The following EGFLAM variants were observed in gnomAD, a reference collection of about 807,000 sequenced individuals.
EGFLAM encodes pikachurin.
A neutral mutation model predicts 113.1 loss-of-function variants in EGFLAM; 79 were observed. The ratio of observed to expected loss-of-function variants is 0.70; its 90% CI spans 0.58 to 0.84. The LOEUF (loss-of-function observed/expected upper bound fraction) is 0.84, where lower values mean the gene tolerates loss of function less well. Ranked by LOEUF, EGFLAM falls within the 40% of genes least tolerant of loss-of-function variation. The pLI is 0.00. For synonymous variants in EGFLAM, 504 were observed against 487.6 expected, an observed-to-expected ratio of 1.03 and a Z score of -0.44; for missense variants, 1,265 against 1,291.6, an observed-to-expected ratio of 0.98 and a Z score of 0.32.
chr5:38,402,663 G>T (rs1318525688), intron 6 of EGFLAM, among the ~76,000 whole-genome samples: 1 of 152,154 alleles, frequency 6.6e-6, no homozygotes, highest in African/African-American at 2.4e-5. Context: ...GTATAAAATG[G>T]ATTAGTCATA....
chr5:38,401,483 A>G (rs1030835336), intron 6 of EGFLAM, among the ~76,000 whole-genome samples: 2 of 152,090 alleles, frequency 1.3e-5, no homozygotes, highest in Admixed American at 1.3e-4. Context: ...AAATGACAAG[A>G]TTGGGCTGGA....
chr5:38,362,133 C>T (rs1021111463), intron 5 of EGFLAM, among the ~76,000 whole-genome samples: 13 of 152,158 alleles, frequency 8.5e-5, no homozygotes, highest in South Asian at 4.1e-4. Flanking sequence ...CCCCGACCCC[C>T]GCAATGCCCC....
intron 3 of EGFLAM, among the ~76,000 whole-genome samples, chr5:38,349,726 C>T (rs1055743201): frequency 2.6e-5 from 4 of 151,200 alleles, no homozygotes; most frequent in Admixed American, 6.6e-5. Context: ...AGCCCTCTTC[C>T]GCTGGGGCTT....
At chr5:38,311,161 A>G (rs928512902) in intron 1 of EGFLAM, among the ~76,000 whole-genome samples, 1 of 152,200 alleles carries the variant, frequency 6.6e-6, no homozygotes, top group Non-Finnish European at 1.5e-5. Flanking sequence ...CCATTGTGGA[A>G]TGGCTAATGG....
chr5:38,383,984 A>G (rs1243497468), intron 6 of EGFLAM, among the ~76,000 whole-genome samples: 2 of 152,112 alleles, frequency 1.3e-5, no homozygotes, highest in East Asian at 1.9e-4. Flanking sequence ...GTCAAATCTT[A>G]TAGGTCCTGA....
Position 38,368,073 on chromosome 5 carries a change from C to T in EGFLAM, c.546-2223C>T, listed in dbSNP as rs541883658. Among the ~76,000 whole-genome samples, 3 of 152,278 alleles carry T rather than the reference C, an allele frequency of 2.0e-5. No homozygotes were observed. The South Asian group carries it at 6.2e-4, about 32-fold the overall frequency. ...TTTGCAGGTAGTCCTCGGTAAATAA[C>T]AGCAGACTGTGAGAATAGATATGGG... On this transcript the variant is annotated intron_variant, in intron 5 of 21. Coordinates refer to ENST00000322350, the MANE Select transcript of EGFLAM (RefSeq NM_152403.4).
At chr5:38,431,979 A>T (rs774134908) in intron 15 of EGFLAM, among the ~76,000 whole-genome samples, 1 of 152,188 alleles carries the variant, frequency 6.6e-6, no homozygotes, top group Non-Finnish European at 1.5e-5. Context: ...TAGGATTTCT[A>T]CTTAAGTTTA....
chr5:38,379,903 A>C (rs1740466435), intron 6 of EGFLAM, among the ~76,000 whole-genome samples: 1 of 152,138 alleles, frequency 6.6e-6, no homozygotes, highest in Non-Finnish European at 1.5e-5. Flanking sequence ...TAGTCTTCCC[A>C]AAAATAACCA....
chr5:38,413,839 G>A (rs909326114), intron 11 of EGFLAM, among the ~76,000 whole-genome samples: 1 of 152,192 alleles, frequency 6.6e-6, no homozygotes, highest in Non-Finnish European at 1.5e-5. Context: ...GGATGGTTTC[G>A]GGATAAACTG....
chr5:38,368,021 G>T (rs1299809606), intron 5 of EGFLAM, among the ~76,000 whole-genome samples: 1 of 152,154 alleles, frequency 6.6e-6, no homozygotes, highest in Non-Finnish European at 1.5e-5. Flanking sequence ...TTTTGCTGTA[G>T]TTTTTACATA....
intron 5 of EGFLAM, among the ~76,000 whole-genome samples, chr5:38,356,339 G>A (rs547310417): frequency 2.1e-4 from 32 of 152,190 alleles, no homozygotes; most frequent in Admixed American, 3.9e-4. Flanking sequence ...GTAATATCGA[G>A]CAAATGCAAC....
chr5:38,267,000 G>A (rs2367211), intron 1 of EGFLAM, among the ~76,000 whole-genome samples: 22,069 of 152,058 alleles, frequency 0.15, 1,754 homozygotes, highest in Middle Eastern at 0.28. Flanking sequence ...TCCAAAGCAG[G>A]CTAGTGCTTT....
rs797021726 is a variant in EGFLAM at position 38,399,277 on chromosome 5, G to GTTTTTTT, written c.713-6837_713-6831dup. On this transcript the variant is annotated intron_variant, in intron 6 of 21. Transcript: ENST00000322350. ...CAGGTTCTTTTTTATTTTTGTTTTC[G>GTTTTTTT]TTTTTTTTTTTTTTTTTTGAGATGG... Among the ~76,000 whole-genome samples the GTTTTTTT allele has an allele frequency of 8.9e-3, 1,051 of 118,386 alleles. 21 individuals carry two copies. Among genetic ancestry groups the GTTTTTTT allele is most frequent in the Non-Finnish European group, 0.012 (659 of 57,048 alleles). 77.7% of individuals were successfully genotyped at this position (118,386 alleles called of 152,430 possible).
chr5:38,270,044 A>G (rs1180582999), intron 1 of EGFLAM, among the ~76,000 whole-genome samples: 1 of 152,224 alleles, frequency 6.6e-6, no homozygotes, highest in Non-Finnish European at 1.5e-5. Context: ...TCAAGAAGAC[A>G]CGCTCTTCAA....
At chr5:38,391,928 C>G (rs1479864612) in intron 6 of EGFLAM, among the ~76,000 whole-genome samples, 1 of 151,304 alleles carries the variant, frequency 6.6e-6, no homozygotes, top group African/African-American at 2.4e-5. Flanking sequence ...AGGCGCCCAC[C>G]ACCACACTCG....
At chr5:38,318,484 T>G (rs1354330343) in intron 1 of EGFLAM, among the ~76,000 whole-genome samples, 1 of 151,774 alleles carries the variant, frequency 6.6e-6, no homozygotes, top group African/African-American at 2.4e-5. Flanking sequence ...TATAGTATAC[T>G]ATACTCTCTA....
intron 1 of EGFLAM, among the ~76,000 whole-genome samples, chr5:38,333,363 C>T (rs1017292183): frequency 2.0e-5 from 3 of 152,110 alleles, no homozygotes; most frequent in Non-Finnish European, 2.9e-5. Flanking sequence ...TTTAGCTCTT[C>T]GAGGAATTGC....
intron 17 of EGFLAM, chr5:38,445,735 G>A: frequency 4.4e-6 from 7 of 1,596,502 alleles, no homozygotes; most frequent in Non-Finnish European, 5.9e-6. Context: ...GAAACTGCGA[G>A]AGCGCTCTGG....
At chr5:38,427,610 A>G (rs1205158915) in intron 14 of EGFLAM, among the ~76,000 whole-genome samples, 3 of 152,230 alleles carry the variant, frequency 2.0e-5, no homozygotes, top group Non-Finnish European at 2.9e-5. Flanking sequence ...TCAGCATCTC[A>G]TACAGAGCAT....
Sources: allele counts gnomAD v4.1 joint callset (sites outside exome capture counted in the v4.1 genomes callset), GRCh38; gene constraint gnomAD v4.1.1; transcripts MANE v1.5; gene names NCBI Gene and HGNC (gene_info 2026-07-23, HGNC 2026-07-21).